The following IL31RA variants were observed in gnomAD, a reference collection of about 807,000 sequenced individuals.
IL31RA encodes interleukin-31 receptor subunit alpha.
In IL31RA, 66 loss-of-function variants were observed where a neutral mutation model predicts 83.7. The observed-to-expected ratio is 0.79, with a 90% CI of 0.65 to 0.97. The LOEUF is 0.97. Ranked by LOEUF, IL31RA falls within the 50% of genes least tolerant of loss-of-function variation. The pLI is 0.00. For missense variants in IL31RA, 798 were observed against 919.4 expected (o/e 0.87, Z 1.71); for synonymous variants, 325 against 329.0 (o/e 0.99, Z 0.13).
intron 12 of IL31RA, among the ~76,000 whole-genome samples, chr5:55,912,653 C>T (rs945061000): frequency 6.6e-6 from 1 of 152,086 alleles, no homozygotes; most frequent in Middle Eastern, 3.2e-3. Context: ...AAAAATTAGC[C>T]GGGCTTGGTG....
chr5:55,858,365 A>T (rs947434633), intron 1 of IL31RA, among the ~76,000 whole-genome samples: 102 of 152,310 alleles, frequency 6.7e-4, no homozygotes, highest in African/African-American at 2.3e-3. Context: ...AACATTCTGA[A>T]TAATTAGACA....
At chr5:55,881,465 C>T (rs1303834339) in intron 4 of IL31RA, among the ~76,000 whole-genome samples, 1 of 152,040 alleles carries the variant, frequency 6.6e-6, no homozygotes, top group African/African-American at 2.4e-5. Flanking sequence ...TTTTCTACGC[C>T]GGCCTACTTC....
At position 55,859,309 on chromosome 5, in the gene IL31RA, C is replaced by T. The variant is rs186298560; in HGVS notation, c.64-200C>T. On this transcript the variant is annotated intron_variant, in intron 1 of 14. Coordinates refer to ENST00000652347, the MANE Select transcript of IL31RA (RefSeq NM_139017.7). ...GAGTAGACGATGGACGAAAGGAAAA[C>T]GTGTTGTAATTGCAAATCTTTAAAA... is the stretch of plus-strand genomic sequence containing the variant. Among the ~76,000 whole-genome samples, 148 of 152,216 alleles carry T rather than the reference C, an allele frequency of 9.7e-4. 1 individual carries two copies. The highest frequency in any genetic ancestry group is 3.2e-3 in the African/African-American group (134 of 41,540).
At chr5:55,901,692 CA>C (rs1182489124) in intron 8 of IL31RA, among the ~76,000 whole-genome samples, 1 of 151,498 alleles carries the variant, frequency 6.6e-6, no homozygotes, top group Non-Finnish European at 1.5e-5. Context: ...CTCAGCTCAC[CA>C]CAACCTCCAC....
Position 55,919,505 on chromosome 5 carries a change from C to A in IL31RA, c.*2385C>A, listed in dbSNP as rs1162170416. 6.6e-6 allele frequency among the ~76,000 whole-genome samples: 1 copy of A among 152,218 alleles called. No homozygotes were observed. Among genetic ancestry groups the A allele is most frequent in the Admixed American group, 6.5e-5 (1 of 15,284 alleles). On this transcript the variant is annotated 3_prime_UTR_variant, in exon 15 of 15. Coordinates refer to ENST00000652347, the MANE Select transcript of IL31RA (RefSeq NM_139017.7). ...CCCAGCCCTTCCTGTTTCATTTCTT[C>A]TTTCCTTTCTCTCCTCTTGCCCCTA...
chr5:55,884,329 T>C (rs1326158509), intron 5 of IL31RA, among the ~76,000 whole-genome samples: 5 of 152,272 alleles, frequency 3.3e-5, no homozygotes, highest in Non-Finnish European at 5.9e-5. Context: ...TAATGCCTTT[T>C]GTGTCTTAGG....
intron 11 of IL31RA, among the ~76,000 whole-genome samples, chr5:55,909,779 G>T (rs545327655): frequency 1.0e-3 from 154 of 150,242 alleles, no homozygotes; most frequent in African/African-American, 3.6e-3. Context: ...ATCTTGGCTC[G>T]CTGCAACCTC....
intron 5 of IL31RA, among the ~76,000 whole-genome samples, chr5:55,885,080 T>TA (rs1747497199): frequency 6.6e-6 from 1 of 152,184 alleles, no homozygotes; most frequent in Non-Finnish European, 1.5e-5. Context: ...GATCAACCCC[T>TA]CCTTTGGATA....
At chr5:55,906,665 A>G (rs761135940) in intron 9 of IL31RA, among the ~76,000 whole-genome samples, 17 of 152,176 alleles carry the variant, frequency 1.1e-4, no homozygotes, top group Non-Finnish European at 2.5e-4. Context: ...CCCCCTTCCC[A>G]GGTGATTGTT....
intron 11 of IL31RA, 54 bp downstream of exon 11, chr5:55,908,465 A>G (rs1024337751): frequency 1.2e-6 from 2 of 1,614,182 alleles, no homozygotes; most frequent in East Asian, 4.5e-5. Flanking sequence ...GATAGATGCT[A>G]TGGATAGACC....
At position 55,911,442 on chromosome 5, in the gene IL31RA, A is replaced by T. The variant is rs549835131; in HGVS notation, c.1642+770A>T. Among the ~76,000 whole-genome samples, 3 of 152,296 alleles carry T rather than the reference A, an allele frequency of 2.0e-5. No homozygotes were observed. In the South Asian group the frequency reaches 6.2e-4, roughly 32 times the overall value. On this transcript the variant is annotated intron_variant, in intron 12 of 14. Transcript: ENST00000652347. ...GGCCTTCAAGGGAAAACCTTGGTTA[A>T]CTCAGGACTACTGACCCATAGGAAG...
In IL31RA at chr5:55,916,827, A is replaced by G. The variant is rs1749814404; in HGVS notation, c.2002A>G (p.Lys668Glu). 6.2e-7 allele frequency: 1 copy of G among 1,614,100 alleles called. No homozygotes were observed. Among genetic ancestry groups the G allele is most frequent in the African/African-American group, 1.3e-5 (1 of 74,926 alleles). ...TCAGGAAAACAATTTAGGAGGGGAA[A>G]AGAATGGGTATGTGACCTGCCCCTT... The part of the protein sequence containing the change: ...TGQENNLGGE[K>E]NGYVTCPFRP... The change falls in exon 15 of 15, where the codon AAG becomes GAG. Residue 668 changes from lysine (K) to glutamate (E), a missense_variant. By Grantham distance (56) the Lys-to-Glu change is moderately conservative (BLOSUM62 1). Transcript: ENST00000652347.
Position 55,921,446 on chromosome 5 carries a change from T to C in IL31RA, c.*4326T>C, listed in dbSNP as rs1281261302. On this transcript the variant is annotated 3_prime_UTR_variant, in exon 15 of 15. Coordinates refer to ENST00000652347, the MANE Select transcript of IL31RA (RefSeq NM_139017.7). ...AGGATTCGTTTAAAGGTCCTCCTAG[T>C]ATAGAGTGCAATGCGATAAACATTT... Among the ~76,000 whole-genome samples, 1 of 152,238 alleles carries C rather than the reference T, an allele frequency of 6.6e-6. No individual in the cohort carries two copies. Among genetic ancestry groups the C allele is most frequent in the Non-Finnish European group, 1.5e-5 (1 of 68,044 alleles).
intron 5 of IL31RA, among the ~76,000 whole-genome samples, chr5:55,887,417 TAGAA>T (rs1747681321): frequency 6.6e-6 from 1 of 152,154 alleles, no homozygotes. Flanking sequence ...GTGAGCCTCT[TAGAA>T]AGGGATCTCA....
chr5:55,904,366 C>T (rs907189576), intron 8 of IL31RA, among the ~76,000 whole-genome samples: 9 of 152,130 alleles, frequency 5.9e-5, no homozygotes, highest in Non-Finnish European at 1.0e-4. Context: ...GGAGCGCCAA[C>T]ATTGGCTGCT....
At position 55,868,955 on chromosome 5, in the gene IL31RA, A is replaced by G. The variant is rs181636600; in HGVS notation, c.272+47A>G. ...TTATCAGTCAGGGCATGGGGGAGGC[A>G]GAGGCTTCTGATTCATTCATGATTC... On this transcript the variant is annotated intron_variant, in intron 3 of 14. Coordinates refer to ENST00000652347, the MANE Select transcript of IL31RA (RefSeq NM_139017.7). 5.5e-4 allele frequency: 566 copies of G among 1,021,136 alleles called. 1 individual carries two copies. In the African/African-American group the frequency reaches 7.4e-3, roughly 13 times the overall value. 63.3% of individuals were successfully genotyped at this position (1,021,136 alleles called of 1,614,324 possible).
chr5:55,877,801 G>A (rs1746951602), intron 4 of IL31RA, among the ~76,000 whole-genome samples: 1 of 152,158 alleles, frequency 6.6e-6, no homozygotes, highest in Non-Finnish European at 1.5e-5. Context: ...GTGTCTTAGT[G>A]TGGGTCTCTT....
chr5:55,894,155 G>A (rs16884632), intron 6 of IL31RA, among the ~76,000 whole-genome samples: 12,599 of 149,928 alleles, frequency 0.084, 949 homozygotes, highest in African/African-American at 0.2. Context: ...CAATATTACT[G>A]GCCTTAAGTT....
rs778362755 is a variant in IL31RA, at chr5:55,872,260, T to C, written c.273-10T>C. 6.2e-7 allele frequency: 1 copy of C among 1,605,494 alleles called. No homozygotes were observed. The highest frequency in any genetic ancestry group is 1.1e-5 in the South Asian group (1 of 90,888). On this transcript the variant is annotated splice_polypyrimidine_tract_variant and intron_variant, in intron 3 of 14. Coordinates refer to ENST00000652347, the MANE Select transcript of IL31RA (RefSeq NM_139017.7). ...ACTAAACTCATGTTGAATCACTTTT[T>C]CTTTCAAAGCGCTTTTGGAGAAAAA...
Sources: allele counts gnomAD v4.1 joint callset (sites outside exome capture counted in the v4.1 genomes callset), GRCh38; gene constraint gnomAD v4.1.1; transcripts MANE v1.5; gene names NCBI Gene and HGNC (gene_info 2026-07-23, HGNC 2026-07-21).